ADAMTSL1: variants seen among roughly 807,000 people sequenced by gnomAD.
The protein encoded by ADAMTSL1 is ADAMTS-like protein 1.
Under a neutral mutation model 201.8 loss-of-function variants are expected in ADAMTSL1, and 126 were observed. That is an observed-to-expected ratio of 0.62 (90% confidence interval 0.54 to 0.72). The LOEUF is 0.72. ADAMTSL1 is among the 30% of genes least tolerant of loss of function. ADAMTSL1 has a pLI of 0.00. For synonymous variants in ADAMTSL1, 1,121 were observed against 903.4 expected, an observed-to-expected ratio of 1.24 and a Z score of -4.32; for missense variants, 2,679 against 2,277.8, an observed-to-expected ratio of 1.18 and a Z score of -3.59.
At chr9:18,849,545 C>T (rs1479860335) in intron 23 of ADAMTSL1, among the ~76,000 whole-genome samples, 1 of 152,170 alleles carries the variant, frequency 6.6e-6, no homozygotes, top group African/African-American at 2.4e-5. Context: ...AATTAATCCA[C>T]ACTGCAGACC....
At chr9:18,109,690 C>A (rs1025898926) in intron 1 of ADAMTSL1, among the ~76,000 whole-genome samples, 3 of 152,150 alleles carry the variant, frequency 2.0e-5, no homozygotes, top group Non-Finnish European at 4.4e-5. Flanking sequence ...GCCTTTTAGA[C>A]CCCCTTTACC....
intron 1 of ADAMTSL1, among the ~76,000 whole-genome samples, chr9:18,022,911 G>A (rs144490557): frequency 6.6e-6 from 1 of 152,138 alleles, no homozygotes; most frequent in East Asian, 1.9e-4. Context: ...AAGTGATCAA[G>A]ATCACCAGCT....
chr9:18,906,586 C>A, intron 27 of ADAMTSL1, 106 bp from the exon 28 acceptor site: 1 of 936,286 alleles, frequency 1.1e-6, no homozygotes. Context: ...GCTGAAAGTT[C>A]TTGAGGAACC....
chr9:18,681,994 A>G (rs367587613), intron 12 of ADAMTSL1, 35 bp downstream of exon 12: 1 of 1,610,716 alleles, frequency 6.2e-7, no homozygotes, highest in East Asian at 2.2e-5. Flanking sequence ...CAGCCTGTTA[A>G]TTGTTGTGTG....
chr9:18,048,774 A>C (rs1461517791), intron 1 of ADAMTSL1, among the ~76,000 whole-genome samples: 1 of 152,180 alleles, frequency 6.6e-6, no homozygotes, highest in African/African-American at 2.4e-5. Flanking sequence ...CATCTTGCAC[A>C]TAGTCATGTG....
At chr9:18,561,612 A>G (rs1821501299) in intron 3 of ADAMTSL1, among the ~76,000 whole-genome samples, 1 of 152,152 alleles carries the variant, frequency 6.6e-6, no homozygotes, top group Admixed American at 6.5e-5. Flanking sequence ...TGATCTGTCT[A>G]ATATTGACAG....
intron 1 of ADAMTSL1, among the ~76,000 whole-genome samples, chr9:18,035,568 C>G (rs1215177005): frequency 6.6e-6 from 1 of 152,094 alleles, no homozygotes; most frequent in African/African-American, 2.4e-5. Context: ...AGATGATCCC[C>G]TTCTCAATGA....
chr9:18,435,441 A>T (rs897186518), intron 2 of ADAMTSL1, among the ~76,000 whole-genome samples: 1 of 152,198 alleles, frequency 6.6e-6, no homozygotes, highest in Non-Finnish European at 1.5e-5. Flanking sequence ...TCAAATACTC[A>T]CACAAATATG....
At chr9:18,828,840 T>C (rs769218534) in intron 22 of ADAMTSL1, among the ~76,000 whole-genome samples, 1 of 151,476 alleles carries the variant, frequency 6.6e-6, no homozygotes, top group Non-Finnish European at 1.5e-5. Flanking sequence ...GGCACCATCA[T>C]GACTTATTAA....
chr9:17,985,701 C>T (rs367586724), intron 1 of ADAMTSL1, among the ~76,000 whole-genome samples: 26 of 152,194 alleles, frequency 1.7e-4, no homozygotes, highest in African/African-American at 6.0e-4. Flanking sequence ...CTAAATATCA[C>T]ATGGGAAGCA....
At chr9:18,017,120 A>T (rs1820291002) in intron 1 of ADAMTSL1, among the ~76,000 whole-genome samples, 1 of 152,060 alleles carries the variant, frequency 6.6e-6, no homozygotes, top group East Asian at 1.9e-4. Context: ...TGCACAAAAG[A>T]TTAAACCTAT....
intron 2 of ADAMTSL1, among the ~76,000 whole-genome samples, chr9:18,463,196 T>G (rs1313285271): frequency 1.3e-5 from 2 of 152,190 alleles, no homozygotes; most frequent in Admixed American, 6.5e-5. Context: ...TTTTGAAACT[T>G]ATGAAAAATT....
At chr9:18,149,307 A>G (rs1028247583) in intron 1 of ADAMTSL1, among the ~76,000 whole-genome samples, 1 of 152,074 alleles carries the variant, frequency 6.6e-6, no homozygotes, top group African/African-American at 2.4e-5. Flanking sequence ...GCAGATGATC[A>G]TGGTGGGTTC....
intron 2 of ADAMTSL1, among the ~76,000 whole-genome samples, chr9:18,401,900 A>C (rs1000046261): frequency 1.3e-5 from 2 of 152,232 alleles, no homozygotes; most frequent in African/African-American, 4.8e-5. Flanking sequence ...AGCAGGCTTC[A>C]TGACCAGCAT....
chr9:18,358,598 G>C (rs1695519326), intron 2 of ADAMTSL1, among the ~76,000 whole-genome samples: 1 of 152,068 alleles, frequency 6.6e-6, no homozygotes, highest in Non-Finnish European at 1.5e-5. Context: ...GCCCATTCTA[G>C]ACATATTATA....
chr9:18,449,008 T>A, intron 2 of ADAMTSL1, among the ~76,000 whole-genome samples: 1 of 151,884 alleles, frequency 6.6e-6, no homozygotes, highest in East Asian at 1.9e-4. Context: ...GGGGTTTTCT[T>A]TTCTCTTAAG....
In ADAMTSL1 at chr9:18,906,749, C is replaced by A. The variant is rs147953826; in HGVS notation, c.5019C>A (p.Ser1673Arg). 3.7e-6 allele frequency: 6 copies of A among 1,613,476 alleles called. No homozygotes were observed. Among genetic ancestry groups the A allele is most frequent in the African/African-American group, 1.3e-5 (1 of 74,926 alleles). Residue 1673 changes from serine (S) to arginine (R), a missense_variant, in exon 28 of 29, where the codon AGC becomes AGA. Physicochemically the swap from Ser to Arg is moderately radical, Grantham distance 110. Transcript: ENST00000380548. The part of the protein sequence containing the change: ...SEACSVHWRV[S>R]LWTLCTATCG... ...CCTGCAGTGTACACTGGAGAGTCAG[C>A]CTGTGGACCCTGTGCACAGCTACCT...
chr9:18,599,087 G>A (rs1824458867), intron 4 of ADAMTSL1, among the ~76,000 whole-genome samples: 1 of 152,162 alleles, frequency 6.6e-6, no homozygotes, highest in African/African-American at 2.4e-5. Context: ...TATTAGGGTT[G>A]ATTGACAGAA....
At chr9:18,405,317 T>C (rs546366939) in intron 2 of ADAMTSL1, among the ~76,000 whole-genome samples, 20 of 152,322 alleles carry the variant, frequency 1.3e-4, no homozygotes, top group African/African-American at 3.8e-4. Flanking sequence ...TGTCTTCATT[T>C]ACGTAGATAG....
Sources: gnomAD v4.1 joint callset for allele counts (sites outside exome capture counted in the v4.1 genomes callset) on GRCh38, gnomAD v4.1.1 for gene constraint, MANE v1.5 for transcripts, NCBI Gene and HGNC (gene_info 2026-07-23, HGNC 2026-07-21) for gene names.